The following GART variants were observed in gnomAD, a reference collection of about 807,000 sequenced individuals.
GART encodes phosphoribosylglycinamide formyltransferase, phosphoribosylglycinamide synthetase, phosphoribosylaminoimidazole synthetase, also known as trifunctional purine biosynthetic protein adenosine-3.
A neutral mutation model predicts 107.2 loss-of-function variants in GART; 43 were observed. The ratio of observed to expected loss-of-function variants is 0.40; its 90% CI spans 0.31 to 0.52. The LOEUF is 0.52. Ranked by LOEUF, GART falls within the 20% of genes least tolerant of loss-of-function variation. The pLI, the probability that GART is intolerant of heterozygous loss-of-function variation, is 0.52. For synonymous variants in GART, 434 were observed against 427.0 expected (o/e 1.02, Z -0.20); for missense variants, 1,107 against 1,206.5 (o/e 0.92, Z 1.22).
intron 16 of GART, 139 bp downstream of exon 16, chr21:33,516,850 T>G: frequency 1.5e-6 from 1 of 686,898 alleles, no homozygotes; most frequent in Non-Finnish European, 2.4e-6. Context: ...AAGGGTCGAG[T>G]TTTTCCCTCC....
intron 16 of GART, among the ~76,000 whole-genome samples, chr21:33,516,525 C>T (rs1243235241): frequency 6.6e-6 from 1 of 152,186 alleles, no homozygotes; most frequent in Non-Finnish European, 1.5e-5. Flanking sequence ...ACTCTTCTTC[C>T]TATGTTAATG....
chr21:33,520,052 T>G (rs2834231), intron 14 of GART, among the ~76,000 whole-genome samples: 27,796 of 151,880 alleles, frequency 0.18, 3,098 homozygotes, highest in Non-Finnish European at 0.24. Flanking sequence ...CCTAGACCTG[T>G]TTGTTGAGGA....
intron 17 of GART, 84 bp downstream of exon 17, chr21:33,511,168 A>C (rs2084777847): frequency 7.0e-7 from 1 of 1,418,976 alleles, no homozygotes; most frequent in Non-Finnish European, 9.9e-7. Flanking sequence ...AAAGGTGGGC[A>C]GAAAGCTTGT....
chr21:33,525,257 T>A (rs747675838), intron 10 of GART, among the ~76,000 whole-genome samples: 1 of 151,986 alleles, frequency 6.6e-6, no homozygotes, highest in Admixed American at 6.6e-5. Context: ...AATAGCCAAG[T>A]GTGGCGGCAC....
intron 12 of GART, among the ~76,000 whole-genome samples, chr21:33,521,522 C>G (rs962815909): frequency 6.6e-6 from 1 of 151,288 alleles, no homozygotes; most frequent in Non-Finnish European, 1.5e-5. Flanking sequence ...GTCCCAGCTA[C>G]TCGGGAGGCT....
chr21:33,539,459 G>A (rs916520472), intron 1 of GART, 103 bp from the exon 2 acceptor site: 10 of 717,444 alleles, frequency 1.4e-5, no homozygotes, highest in African/African-American at 7.4e-5. Context: ...TTGGGAGGCC[G>A]AGGCAGGTGG....
At chr21:33,508,739 T>C (rs1348459421) in intron 18 of GART, among the ~76,000 whole-genome samples, 1 of 152,016 alleles carries the variant, frequency 6.6e-6, no homozygotes, top group Non-Finnish European at 1.5e-5. Context: ...ATGGTCTCGA[T>C]CTCTTGACCT....
At chr21:33,532,959 G>A (rs967962986) in intron 4 of GART, among the ~76,000 whole-genome samples, 9 of 151,638 alleles carry the variant, frequency 5.9e-5, no homozygotes, top group Admixed American at 2.0e-4. Context: ...ATAATATTCA[G>A]TGTTTAAGAA....
chr21:33,524,672 G>T (rs1335820884), intron 11 of GART, 97 bp downstream of exon 11: 16 of 1,541,114 alleles, frequency 1.0e-5, no homozygotes, highest in Admixed American at 2.0e-5. Flanking sequence ...AGAGAGAAAA[G>T]AATACTGAAT....
At chr21:33,506,307 C>T (rs1331743191) in intron 18 of GART, among the ~76,000 whole-genome samples, 1 of 152,116 alleles carries the variant, frequency 6.6e-6, no homozygotes, top group African/African-American at 2.4e-5. Context: ...CCACACCTGG[C>T]TAATTTTTGT....
Position 33,532,434 on chromosome 21 carries a change from C to A in GART, c.439G>T (p.Val147Leu), listed in dbSNP as rs2085210496. The A allele has an allele frequency of 6.2e-7, 1 of 1,613,788 alleles. No homozygotes were observed. The change falls in exon 5 of 22, where the codon GTG becomes TTG. Residue 147 changes from valine (V) to leucine (L), a missense_variant. Physicochemically the swap from Val to Leu is conservative, Grantham distance 32. Coordinates refer to ENST00000381815, the MANE Select transcript of GART (RefSeq NM_000819.5). ...ILSADFPALV[V>L]KASGLAAGKG... The stretch of plus-strand genomic sequence containing the variant: ...CCAGCTGCAAGACCACTGGCCTTCA[C>A]AACCAAAGCAGGGAAGTCTGCACTG...
chr21:33,519,657 A>G (rs937813705), intron 14 of GART, among the ~76,000 whole-genome samples: 1 of 151,450 alleles, frequency 6.6e-6, no homozygotes, highest in Non-Finnish European at 1.5e-5. Context: ...GCAAAACCCT[A>G]TCTCTACAAA....
intron 7 of GART, 131 bp from the exon 8 acceptor site, chr21:33,529,068 G>T: frequency 1.9e-6 from 1 of 531,952 alleles, no homozygotes; most frequent in Non-Finnish European, 3.3e-6. Context: ...TGAACACTTT[G>T]AACTTGAAAG....
rs746954901 is a variant in GART, at chr21:33,520,923, C to T, written c.1486G>A (p.Val496Ile). Reference sequence around the variant, plus strand: ...CTGATTACCTTTAGTTTAGTTCCAACGCCATCTGTTCCAGAGGCCAGAAGG... The same window carrying T: ...CTGATTACCTTTAGTTTAGTTCCAATGCCATCTGTTCCAGAGGCCAGAAGG... ...DPLLASGTDGVGTKLKIAQLC... is the reference protein window; with the variant it reads ...DPLLASGTDGIGTKLKIAQLC... The change falls in exon 13 of 22, where the codon GTT (valine) becomes ATT (isoleucine). Residue 496 changes from valine to isoleucine, a missense_variant. By Grantham distance (29) the Val-to-Ile change is conservative. Transcript: ENST00000381815. The T allele has an allele frequency of 3.2e-5, 52 of 1,612,406 alleles. No homozygotes were observed. Among genetic ancestry groups the T allele is most frequent in the African/African-American group, 6.7e-5 (5 of 74,860 alleles).
intron 11 of GART, among the ~76,000 whole-genome samples, chr21:33,523,829 C>T (rs367629167): frequency 4.0e-5 from 6 of 151,724 alleles, no homozygotes; most frequent in African/African-American, 1.5e-4. Flanking sequence ...TAGCTGGGCA[C>T]GGTGGCAGGC....
At chr21:33,531,213 G>A in intron 6 of GART, 1 of 426,730 alleles carries the variant, frequency 2.3e-6, no homozygotes, top group Non-Finnish European at 4.1e-6. Flanking sequence ...GCAATAAACT[G>A]TATATGAAAG....
intron 18 of GART, among the ~76,000 whole-genome samples, chr21:33,506,985 T>C (rs1297472400): frequency 1.3e-5 from 2 of 152,104 alleles, no homozygotes; most frequent in Non-Finnish European, 2.9e-5. Flanking sequence ...ACAATTATTA[T>C]GGAGAACAGT....
rs774552470 is a variant in GART, at chr21:33,534,605, A to C, written c.390T>G (p.Pro130=). The part of the protein sequence containing the change: ...PTAQWKAFTK[P]EEACSFILSA... ...TCAAAATGAAGCTGCAGGCTTCTTC[A>C]GGTTTGGTGAAAGCCTTCCATTGTG... is the stretch of plus-strand genomic sequence containing the variant. Residue 130 remains proline (P), a synonymous_variant, in exon 4 of 22, where the codon CCT becomes CCG. Coordinates refer to ENST00000381815, the MANE Select transcript of GART (RefSeq NM_000819.5). 3 of 1,614,156 alleles carry C rather than the reference A, an allele frequency of 1.9e-6. No homozygotes were observed. In the Admixed American group the frequency reaches 5.0e-5, roughly 27 times the overall value.
At chr21:33,523,705 G>A (rs556649237) in intron 11 of GART, among the ~76,000 whole-genome samples, 2 of 152,026 alleles carry the variant, frequency 1.3e-5, no homozygotes, top group African/African-American at 4.8e-5. Context: ...GGTGGCTCAC[G>A]CCTGTAATCC....
Sources: gnomAD v4.1 joint callset for allele counts (sites outside exome capture counted in the v4.1 genomes callset) on GRCh38, gnomAD v4.1.1 for gene constraint, MANE v1.5 for transcripts, NCBI Gene and HGNC (gene_info 2026-07-23, HGNC 2026-07-21) for gene names.